Variants in OLFM1 observed in about 807,000 individuals in gnomAD.
OLFM1 encodes olfactomedin 1.
Under a neutral mutation model 49.7 loss-of-function variants are expected in OLFM1, and 9 were observed. The observed-to-expected ratio is 0.18, with a 90% confidence interval of 0.11 to 0.32. OLFM1 has a LOEUF of 0.32. OLFM1 is among the 10% of genes least tolerant of loss of function. OLFM1 has a pLI of 1.00. For synonymous variants in OLFM1, 240 were observed against 271.8 expected (o/e 0.88, Z 1.15); for missense variants, 369 against 661.8 (o/e 0.56, Z 4.85).
chr9:135,112,931 G>A (rs1400329644), intron 5 of OLFM1, among the ~76,000 whole-genome samples: 6 of 152,192 alleles, frequency 3.9e-5, no homozygotes, highest in African/African-American at 1.2e-4. Flanking sequence ...CAGGTGCGGG[G>A]AGCTGCTGTC....
rs939532492 is a variant in OLFM1 at position 135,088,793 on chromosome 9, C to A, written c.150+654C>A. On this transcript the variant is annotated intron_variant, in intron 1 of 5. Transcript: ENST00000371793. The surrounding 1 kb of genome is among the most constrained non-coding windows in gnomAD (Gnocchi z 4.8). The stretch of plus-strand genomic sequence containing the variant: ...GGGCCCCTGGGAGCCTGCCCTTGGG[C>A]GCTCACCCCCTCGCCTTTGCCTTCG... Among the ~76,000 whole-genome samples, 5 of 152,192 alleles carry A rather than the reference C, an allele frequency of 3.3e-5. No individual in the cohort carries two copies. The highest frequency in any genetic ancestry group is 1.2e-4 in the African/African-American group (5 of 41,456).
rs539469504 is a variant in OLFM1 at position 135,091,786 on chromosome 9, CAT to C, written c.300+1444_300+1445del. ...TCACACAGTCACACACACACTCACACATAGTCACACAGTCACACACACTCACA... is the reference window on the plus strand; with the variant it reads ...TCACACAGTCACACACACACTCACACAGTCACACAGTCACACACACTCACA... On this transcript the variant is annotated intron_variant, in intron 2 of 5. Coordinates refer to ENST00000371793, the MANE Select transcript of OLFM1 (RefSeq NM_001282611.2). 8.8e-4 allele frequency among the ~76,000 whole-genome samples: 124 copies of C among 141,490 alleles called. 1 individual carries two copies. Among genetic ancestry groups the C allele is most frequent in the African/African-American group, 3.2e-3 (111 of 35,146 alleles). 92.8% of individuals were successfully genotyped at this position (141,490 alleles called of 152,430 possible). A position where few individuals can be genotyped will look rare whatever the true frequency, so the allele number is the denominator to read the frequency against.
At chr9:135,089,707 T>A (rs1830653802) in intron 1 of OLFM1, among the ~76,000 whole-genome samples, 1 of 152,138 alleles carries the variant, frequency 6.6e-6, no homozygotes. Context: ...CAGTGGGTGC[T>A]TCGTCTGCAA....
chr9:135,086,837 C>A, upstream of OLFM1: 1 of 409,498 alleles, frequency 2.4e-6, no homozygotes, highest in South Asian at 1.8e-5. Context: ...TCAGTAAGGA[C>A]ACCCCCCAAC....
intron 2 of OLFM1, among the ~76,000 whole-genome samples, chr9:135,093,757 T>A (rs543576494): frequency 6.6e-6 from 1 of 152,244 alleles, no homozygotes; most frequent in African/African-American, 2.4e-5. Flanking sequence ...GAGGAATGCC[T>A]TCCCTAGGGT....
intron 3 of OLFM1, among the ~76,000 whole-genome samples, chr9:135,096,799 C>T (rs1830804770): frequency 6.6e-6 from 1 of 152,206 alleles, no homozygotes; most frequent in South Asian, 2.1e-4. Context: ...ACAAAGCATA[C>T]CATAGACTTG....
intron 5 of OLFM1, among the ~76,000 whole-genome samples, chr9:135,109,909 G>A (rs527899707): frequency 6.6e-6 from 1 of 152,166 alleles, no homozygotes; most frequent in African/African-American, 2.4e-5. Flanking sequence ...CCAGCTTCAG[G>A]GCCTTGCTAA....
intron 1 of OLFM1, chr9:135,077,266 G>A (rs1483817135): frequency 3.4e-6 from 5 of 1,449,334 alleles, no homozygotes; most frequent in Non-Finnish European, 4.6e-6. Flanking sequence ...GTCTTATTGA[G>A]ACACCTTGGC....
chr9:135,076,725 G>A (rs1308872481), intron 1 of OLFM1: 1 of 1,447,766 alleles, frequency 6.9e-7, no homozygotes, highest in Non-Finnish European at 9.1e-7. Flanking sequence ...TGCAAGTCCA[G>A]GAAGTGATGG....
intron 4 of OLFM1, among the ~76,000 whole-genome samples, chr9:135,101,242 C>T (rs1830866178): frequency 6.6e-6 from 1 of 152,006 alleles, no homozygotes; most frequent in Non-Finnish European, 1.5e-5. Context: ...TGGGCAGTTT[C>T]CTCCCCTGTC....
chr9:135,086,900 A>G (rs1056102878), upstream of OLFM1, among the ~76,000 whole-genome samples: 15 of 144,712 alleles, frequency 1.0e-4, no homozygotes, highest in East Asian at 2.1e-3. Flanking sequence ...CCACCTCCCC[A>G]ACACCAGGTT....
At chr9:135,104,294 G>A (rs1010858063) in intron 4 of OLFM1, among the ~76,000 whole-genome samples, 2 of 152,228 alleles carry the variant, frequency 1.3e-5, no homozygotes, top group African/African-American at 4.8e-5. Flanking sequence ...AAAGCTGCGT[G>A]AACCAGCAGG....
At chr9:135,081,973 G>A (rs900163924) in intron 1 of OLFM1, among the ~76,000 whole-genome samples, 4 of 152,304 alleles carry the variant, frequency 2.6e-5, no homozygotes, top group South Asian at 4.1e-4. Context: ...ACCCGTCCTC[G>A]TGTGTGGCTG....
In OLFM1 at chr9:135,088,343, C is replaced by T. The variant is rs892469967; in HGVS notation, c.150+204C>T. 1.3e-5 allele frequency among the ~76,000 whole-genome samples: 2 copies of T among 151,834 alleles called. No individual in the cohort carries two copies. Among genetic ancestry groups the T allele is most frequent in the African/African-American group, 4.8e-5 (2 of 41,460 alleles). On this transcript the variant is annotated intron_variant, in intron 1 of 5. Coordinates refer to ENST00000371793, the MANE Select transcript of OLFM1 (RefSeq NM_001282611.2). This position sits in a 1 kb window ranked among gnomAD's most constrained non-coding sequence, Gnocchi z 4.8. ...CTCCCCGCTCCCCCAGCCTGGGCCA[C>T]TCCATCTCCGCCCGCGCGCCCCTGG...
chr9:135,082,381 A>G (rs1042509339), intron 1 of OLFM1, among the ~76,000 whole-genome samples: 1 of 140,734 alleles, frequency 7.1e-6, no homozygotes. Flanking sequence ...GGATTTCCCT[A>G]CCATACAAAA....
At chr9:135,100,995 C>T (rs1357259210) in intron 4 of OLFM1, among the ~76,000 whole-genome samples, 4 of 152,202 alleles carry the variant, frequency 2.6e-5, no homozygotes, top group Non-Finnish European at 5.9e-5. Flanking sequence ...CTTCCTCCTC[C>T]CTCTTCCCAG....
At chr9:135,096,329 C>T (rs1369572797) in intron 3 of OLFM1, among the ~76,000 whole-genome samples, 4 of 150,408 alleles carry the variant, frequency 2.7e-5, no homozygotes, top group Non-Finnish European at 5.9e-5. Context: ...CCTTCTTCTC[C>T]TCCTCTTCCT....
chr9:135,101,708 T>G (rs148342232), intron 4 of OLFM1, among the ~76,000 whole-genome samples: 256 of 152,248 alleles, frequency 1.7e-3, no homozygotes, highest in Middle Eastern at 6.8e-3. Flanking sequence ...CGTGGGGCCC[T>G]CTCTCCAGGG....
chr9:135,117,725 A>G lies in OLFM1; in HGVS notation c.784-1779A>G, dbSNP rs1430067949. 6.6e-6 allele frequency among the ~76,000 whole-genome samples: 1 copy of G among 152,190 alleles called. No homozygotes were observed. Among genetic ancestry groups the G allele is most frequent in the Non-Finnish European group, 1.5e-5 (1 of 68,020 alleles). ...AACAGATAGGTGCAGCTGCTGCCCC[A>G]CAACCTGGTGTCATCCCAAGCAAGC... On this transcript the variant is annotated intron_variant, in intron 5 of 5. Coordinates refer to ENST00000371793, the MANE Select transcript of OLFM1 (RefSeq NM_001282611.2). This position sits in a 1 kb window ranked among gnomAD's most constrained non-coding sequence, Gnocchi z 5.5.
Sources: gnomAD v4.1 joint callset for allele counts (sites outside exome capture counted in the v4.1 genomes callset) on GRCh38, gnomAD v4.1.1 for gene constraint, Gnocchi (gnomAD v3.1) non-coding constraint, MANE v1.5 for transcripts, NCBI Gene and HGNC (gene_info 2026-07-23, HGNC 2026-07-21) for gene names.